Variants in ADAM18 observed in about 807,000 individuals in gnomAD.
ADAM18 encodes ADAM metallopeptidase domain 18.
ADAM18 carries 117 observed loss-of-function variants against 94.4 expected under a neutral mutation model. The observed-to-expected ratio is 1.24, with a 90% CI of 1.07 to 1.45. The LOEUF is 1.45. Among genes scored for constraint, ADAM18 ranks in the 40% most tolerant of loss-of-function variants. ADAM18 has a pLI of 0.00. For missense variants in ADAM18, 936 were observed against 880.0 expected (o/e 1.06, Z -0.81); for synonymous variants, 327 against 291.6 (o/e 1.12, Z -1.24).
chr8:39,593,111 C>T (rs910922581), intron 2 of ADAM18, among the ~76,000 whole-genome samples: 6 of 152,156 alleles, frequency 3.9e-5, no homozygotes, highest in Middle Eastern at 3.2e-3. Context: ...TTCTTCTTCA[C>T]TTTCTTTTCA....
chr8:39,717,659 A>C (rs1428625460), intron 18 of ADAM18, among the ~76,000 whole-genome samples: 1 of 151,666 alleles, frequency 6.6e-6, no homozygotes, highest in African/African-American at 2.4e-5. Flanking sequence ...AAACTCCTAG[A>C]AGAAAGCATG....
intron 10 of ADAM18, among the ~76,000 whole-genome samples, chr8:39,641,289 G>A (rs770986106): frequency 1.3e-5 from 2 of 151,836 alleles, no homozygotes; most frequent in Admixed American, 6.6e-5. Flanking sequence ...GTTTTTGTTC[G>A]ATCAGACAGT....
intron 17 of ADAM18, among the ~76,000 whole-genome samples, chr8:39,702,392 T>A (rs1285030729): frequency 6.6e-6 from 1 of 152,200 alleles, no homozygotes; most frequent in Non-Finnish European, 1.5e-5. Flanking sequence ...ATATTAGACC[T>A]TTTTCAGATA....
chr8:39,665,603 A>C (rs374258216), intron 13 of ADAM18, among the ~76,000 whole-genome samples: 135 of 152,334 alleles, frequency 8.9e-4, no homozygotes, highest in African/African-American at 3.1e-3. Flanking sequence ...GAATGTAAAC[A>C]CTAAAACTAT....
chr8:39,602,819 AT>A (rs1167727562), intron 2 of ADAM18, among the ~76,000 whole-genome samples: 1 of 151,498 alleles, frequency 6.6e-6, no homozygotes, highest in African/African-American at 2.4e-5. Context: ...TCCAACTTGT[AT>A]TTTTTTTCTC....
chr8:39,630,377 TTATATATATACTTATATATC>T (rs992372751), intron 7 of ADAM18, among the ~76,000 whole-genome samples: 6 of 151,242 alleles, frequency 4.0e-5, no homozygotes, highest in African/African-American at 9.7e-5. Context: ...TGTATATAAG[TTATATATATACTTATATATC>T]TATATATATA....
chr8:39,697,687 A>G (rs920214290), intron 17 of ADAM18, among the ~76,000 whole-genome samples: 2 of 151,700 alleles, frequency 1.3e-5, no homozygotes, highest in African/African-American at 2.4e-5. Flanking sequence ...CAGCCTGAAG[A>G]AAGTATGGTG....
intron 3 of ADAM18, among the ~76,000 whole-genome samples, chr8:39,606,865 C>T (rs972163037): frequency 7.2e-5 from 11 of 152,056 alleles, no homozygotes; most frequent in Non-Finnish European, 1.5e-4. Context: ...TGTTCTCTGG[C>T]GGGCAGGGGC....
chr8:39,729,852 T>G, intron 19 of ADAM18, 46 bp from the exon 20 acceptor site: 1 of 1,545,264 alleles, frequency 6.5e-7, no homozygotes, highest in Non-Finnish European at 8.9e-7. Flanking sequence ...TGGCTACTAC[T>G]AAACATATTG....
At chr8:39,693,468 C>T (rs1392837065) in intron 17 of ADAM18, among the ~76,000 whole-genome samples, 1 of 150,770 alleles carries the variant, frequency 6.6e-6, no homozygotes, top group Admixed American at 6.6e-5. Flanking sequence ...AGTTCTTCAG[C>T]CTTATTATTT....
chr8:39,668,570 T>C (rs1821059099), intron 14 of ADAM18, among the ~76,000 whole-genome samples: 2 of 152,176 alleles, frequency 1.3e-5, no homozygotes, highest in African/African-American at 2.4e-5. Flanking sequence ...GTGAATTTCA[T>C]TTAAAAATAA....
chr8:39,660,485 AAAC>A, intron 12 of ADAM18, among the ~76,000 whole-genome samples: 1 of 152,328 alleles, frequency 6.6e-6, no homozygotes, highest in South Asian at 2.1e-4. Flanking sequence ...TTCAAGTGGA[AAAC>A]AGTCACAAGA....
intron 12 of ADAM18, among the ~76,000 whole-genome samples, chr8:39,648,764 T>C (rs1465477071): frequency 1.3e-5 from 2 of 152,294 alleles, no homozygotes; most frequent in Middle Eastern, 3.4e-3. Context: ...TGCCAGCAGA[T>C]TGATTTTGAA....
intron 17 of ADAM18, among the ~76,000 whole-genome samples, chr8:39,702,860 G>C (rs566580687): frequency 2.6e-5 from 4 of 152,246 alleles, no homozygotes; most frequent in African/African-American, 9.6e-5. Context: ...CCTTGTACCA[G>C]TACTATGCAG....
chr8:39,728,684 TTA>T (rs1203988669), intron 19 of ADAM18, among the ~76,000 whole-genome samples: 1 of 152,198 alleles, frequency 6.6e-6, no homozygotes, highest in Non-Finnish European at 1.5e-5. Flanking sequence ...AGTTATTTTT[TTA>T]TGTTATTATT....
Position 39,668,188 on chromosome 8 carries a change from T to C in ADAM18, c.1517T>C (p.Phe506Ser). The change falls in exon 14 of 20, where the codon TTT (phenylalanine) becomes TCT (serine). Residue 506 changes from phenylalanine (F) to serine (S), a missense_variant. Phe to Ser is a radical substitution (Grantham distance 155). Transcript: ENST00000265707. ...QTTDNQCAKIFGKGAQGAPFA... is the reference protein window; with the variant it reads ...QTTDNQCAKISGKGAQGAPFA... ...ACTGATAACCAGTGTGCCAAGATATTTGGAAAAGGTATTGCTCTTTCTTTC... is the reference window on the plus strand; with the variant it reads ...ACTGATAACCAGTGTGCCAAGATATCTGGAAAAGGTATTGCTCTTTCTTTC... The C allele has an allele frequency of 6.2e-7, 1 of 1,613,946 alleles. No homozygotes were observed. Among genetic ancestry groups the C allele is most frequent in the Non-Finnish European group, 8.5e-7 (1 of 1,179,878 alleles).
chr8:39,704,713 G>A (rs547171275), intron 17 of ADAM18, among the ~76,000 whole-genome samples: 2 of 152,186 alleles, frequency 1.3e-5, no homozygotes, highest in African/African-American at 4.8e-5. Flanking sequence ...CAGTTAAGGA[G>A]TGACCATTTT....
At chr8:39,633,537 T>G (rs1158154430) in intron 7 of ADAM18, among the ~76,000 whole-genome samples, 2 of 151,986 alleles carry the variant, frequency 1.3e-5, no homozygotes, top group African/African-American at 2.4e-5. Flanking sequence ...CAGATGGAAG[T>G]GAGGTCCAAG....
chr8:39,679,642 G>A (rs1821388427), intron 15 of ADAM18, among the ~76,000 whole-genome samples: 1 of 152,176 alleles, frequency 6.6e-6, no homozygotes, highest in African/African-American at 2.4e-5. Context: ...ACAATAAAAT[G>A]TGCAGAAAGA....
Sources: allele counts gnomAD v4.1 joint callset (sites outside exome capture counted in the v4.1 genomes callset), GRCh38; gene constraint gnomAD v4.1.1; transcripts MANE v1.5; gene names NCBI Gene and HGNC (gene_info 2026-07-23, HGNC 2026-07-21).